UEVLD: variants seen among roughly 807,000 people sequenced by gnomAD.
UEVLD encodes the protein UEV and lactate/malate dehyrogenase domains.
Under a neutral mutation model 58.6 loss-of-function variants are expected in UEVLD, and 47 were observed. The observed-to-expected ratio is 0.80, with a 90% CI of 0.63 to 1.02. UEVLD has a LOEUF of 1.02. Among genes scored for constraint, UEVLD ranks in the 50% least tolerant of loss-of-function variants. The pLI, the probability that UEVLD is intolerant of heterozygous loss-of-function variation, is 0.00. For missense variants in UEVLD, 510 were observed against 550.6 expected (o/e 0.93, Z 0.74); for synonymous variants, 197 against 195.3 (o/e 1.01, Z -0.07).
chr11:18,558,351 C>G (rs1851856380), intron 6 of UEVLD, 21 bp from the exon 7 acceptor site: 1 of 1,515,540 alleles, frequency 6.6e-7, no homozygotes, highest in African/African-American at 1.4e-5. Flanking sequence ...AGAGAAAGAA[C>G]ATTACACTGA....
At chr11:18,569,282 T>C (rs963864051) in intron 4 of UEVLD, among the ~76,000 whole-genome samples, 9 of 152,290 alleles carry the variant, frequency 5.9e-5, no homozygotes, top group East Asian at 5.8e-4. Flanking sequence ...TCTAAACCAA[T>C]GTATAGAAGA....
chr11:18,534,941 G>T (rs1454408035), intron 10 of UEVLD, among the ~76,000 whole-genome samples: 3 of 152,156 alleles, frequency 2.0e-5, no homozygotes, highest in Non-Finnish European at 2.9e-5. Context: ...TAATAAGCAT[G>T]TCTGCAATAT....
At chr11:18,575,322 AC>A in intron 3 of UEVLD, 24 bp downstream of exon 3, 1 of 1,581,638 alleles carries the variant, frequency 6.3e-7, no homozygotes, top group Non-Finnish European at 8.5e-7. Flanking sequence ...GAAAACTCAC[AC>A]ATTTTTTCAA....
chr11:18,544,474 A>T (rs1590319075), intron 9 of UEVLD, 149 bp downstream of exon 9: 1 of 791,160 alleles, frequency 1.3e-6, no homozygotes, highest in Non-Finnish European at 1.9e-6. Context: ...TGCCTGGCTA[A>T]TTTTTTATCT....
chr11:18,549,131 A>C (rs1851422390), intron 7 of UEVLD, among the ~76,000 whole-genome samples: 1 of 152,258 alleles, frequency 6.6e-6, no homozygotes, highest in Non-Finnish European at 1.5e-5. Flanking sequence ...CATAGAGCTG[A>C]AGTGTAGAGC....
chr11:18,544,311 T>C (rs911221643), intron 9 of UEVLD, among the ~76,000 whole-genome samples: 1 of 152,148 alleles, frequency 6.6e-6, no homozygotes, highest in Non-Finnish European at 1.5e-5. Flanking sequence ...CTAATAATAA[T>C]GTACTTCTTT....
At chr11:18,584,227 A>G (rs779711637) in intron 1 of UEVLD, among the ~76,000 whole-genome samples, 1 of 152,080 alleles carries the variant, frequency 6.6e-6, no homozygotes, top group Non-Finnish European at 1.5e-5. Context: ...AAAAATAAAA[A>G]CAAAAATTGG....
At chr11:18,555,027 T>G (rs2133996417) in intron 7 of UEVLD, among the ~76,000 whole-genome samples, 1 of 152,224 alleles carries the variant, frequency 6.6e-6, no homozygotes, top group South Asian at 2.1e-4. Flanking sequence ...CAGTGGCTCA[T>G]GCCTGTAATC....
intron 2 of UEVLD, among the ~76,000 whole-genome samples, chr11:18,575,808 T>C (rs1451198147): frequency 5.9e-5 from 9 of 151,720 alleles, no homozygotes; most frequent in Non-Finnish European, 2.9e-5. Context: ...ACTTAAGAAG[T>C]ACTATAATAT....
Position 18,588,698 on chromosome 11 carries a change from G to T in UEVLD, c.-44C>A. 4 of 1,597,294 alleles carry T rather than the reference G, an allele frequency of 2.5e-6. No homozygotes were observed. Among genetic ancestry groups the T allele is most frequent in the Non-Finnish European group, 2.5e-6 (3 of 1,176,530 alleles). ...CTAGGTCCCAGGACTCCAGCCCCCG[G>T]ACCTTCTTCCGGACTTGCTGCAGGA... On this transcript the variant is annotated 5_prime_UTR_variant, in exon 1 of 12. Coordinates refer to ENST00000396197, the MANE Select transcript of UEVLD (RefSeq NM_001040697.4).
intron 7 of UEVLD, among the ~76,000 whole-genome samples, chr11:18,555,951 G>GA (rs1219957313): frequency 2.7e-4 from 40 of 148,806 alleles, no homozygotes; most frequent in East Asian, 5.9e-4. Context: ...CTTGTCTCTA[G>GA]AAAAAAAAAA....
intron 6 of UEVLD, among the ~76,000 whole-genome samples, chr11:18,564,445 G>A (rs1236697502): frequency 6.7e-6 from 1 of 150,026 alleles, no homozygotes; most frequent in African/African-American, 2.5e-5. Context: ...AAGGACTGAT[G>A]AAAAAAACAA....
At chr11:18,537,559 G>C (rs957104585) in intron 9 of UEVLD, among the ~76,000 whole-genome samples, 5 of 150,050 alleles carry the variant, frequency 3.3e-5, no homozygotes, top group Admixed American at 6.7e-5. Flanking sequence ...TCGAACTCCT[G>C]ACCTCAGGTG....
intron 7 of UEVLD, among the ~76,000 whole-genome samples, chr11:18,552,958 A>G (rs563372942): frequency 1.3e-5 from 2 of 151,662 alleles, no homozygotes; most frequent in South Asian, 4.2e-4. Flanking sequence ...GATCGAGACC[A>G]TCCTGGCTAA....
chr11:18,565,152 C>A (rs1367861690), intron 5 of UEVLD, 142 bp from the exon 6 acceptor site: 4 of 554,424 alleles, frequency 7.2e-6, no homozygotes, highest in African/African-American at 1.9e-5. Context: ...TACTACTGAA[C>A]AAATGAATGC....
rs570459349 is a variant in UEVLD, at chr11:18,554,947, A to G, written c.715+3281T>C. Reference sequence around the variant, plus strand: ...CCCCGAATTATTGATGTACTTCGCCATATCTCAGAATATATTCATGAGAAG... The same window carrying G: ...CCCCGAATTATTGATGTACTTCGCCGTATCTCAGAATATATTCATGAGAAG... On this transcript the variant is annotated intron_variant, in intron 7 of 11. Transcript: ENST00000396197. Among the ~76,000 whole-genome samples, 10 of 152,340 alleles carry G rather than the reference A, an allele frequency of 6.6e-5. 1 individual carries two copies. The highest frequency in any genetic ancestry group is 5.9e-4 in the Admixed American group (9 of 15,296).
intron 7 of UEVLD, among the ~76,000 whole-genome samples, chr11:18,548,115 G>A (rs777219024): frequency 2.6e-5 from 4 of 151,974 alleles, no homozygotes; most frequent in Non-Finnish European, 5.9e-5. Context: ...TCTTCCCATG[G>A]GAACTACAGG....
chr11:18,579,312 T>G, intron 1 of UEVLD: 1 of 315,246 alleles, frequency 3.2e-6, no homozygotes, highest in Non-Finnish European at 4.6e-6. Context: ...GAGAAGAAAA[T>G]GAAAGCTAGA....
chr11:18,555,601 A>T (rs1324986010), intron 7 of UEVLD, among the ~76,000 whole-genome samples: 1 of 151,946 alleles, frequency 6.6e-6, no homozygotes, highest in Non-Finnish European at 1.5e-5. Flanking sequence ...AAAATAAACA[A>T]ATGAATAAAT....
Sources: gnomAD v4.1 joint callset for allele counts (sites outside exome capture counted in the v4.1 genomes callset) on GRCh38, gnomAD v4.1.1 for gene constraint, MANE v1.5 for transcripts, NCBI Gene and HGNC (gene_info 2026-07-23, HGNC 2026-07-21) for gene names.